CCDC93: variants seen among roughly 807,000 people sequenced by gnomAD.
CCDC93 encodes CCC complex scaffolding subunit CCDC93.
In CCDC93, 61 loss-of-function variants were observed where a neutral mutation model predicts 108.2. That is an observed-to-expected ratio of 0.56 (90% confidence interval 0.46 to 0.70). CCDC93 has a LOEUF of 0.70. CCDC93 is among the 30% of genes least tolerant of loss of function. The pLI is 0.00. For missense variants in CCDC93, 685 were observed against 764.2 expected (o/e 0.90, Z 1.22); for synonymous variants, 276 against 260.4 (o/e 1.06, Z -0.58).
At chr2:117,983,037 C>G (rs1207476470) in intron 7 of CCDC93, among the ~76,000 whole-genome samples, 4 of 152,136 alleles carry the variant, frequency 2.6e-5, no homozygotes, top group African/African-American at 9.7e-5. Context: ...GGTTTTTTCT[C>G]TTATCTATAT....
intron 4 of CCDC93, chr2:117,997,779 A>C (rs886657862): frequency 6.6e-6 from 1 of 152,212 alleles, no homozygotes; most frequent in Non-Finnish European, 1.5e-5. Context: ...AGTAAAACTA[A>C]GTGGTCCAGG....
Position 117,953,807 on chromosome 2 carries a change from T to C in CCDC93, c.1006-1372A>G, listed in dbSNP as rs116385463. Among the ~76,000 whole-genome samples, 1,437 of 151,744 alleles carry C rather than the reference T, an allele frequency of 9.5e-3. 19 individuals are homozygous for C. The highest frequency in any genetic ancestry group is 0.033 in the African/African-American group (1,383 of 41,374). ...TATGTGGAAGGCTGAGGTGGAAGGATTGCTTCATCCCAGGAGGCTGAGGCT... is the reference window on the plus strand; with the variant it reads ...TATGTGGAAGGCTGAGGTGGAAGGACTGCTTCATCCCAGGAGGCTGAGGCT... On this transcript the variant is annotated intron_variant, in intron 12 of 23. Transcript: ENST00000376300.
chr2:117,996,156 G>A, intron 5 of CCDC93, 108 bp downstream of exon 5: 1 of 637,282 alleles, frequency 1.6e-6, no homozygotes, highest in South Asian at 2.2e-5. Flanking sequence ...TGCCAAGTGG[G>A]GCTGAGAATG....
At chr2:117,938,360 A>C (rs1205678419) in intron 20 of CCDC93, among the ~76,000 whole-genome samples, 6 of 152,204 alleles carry the variant, frequency 3.9e-5, no homozygotes, top group African/African-American at 1.4e-4. Context: ...ACCGTTTGTC[A>C]TCAACTTGGG....
chr2:117,941,982 A>G (rs978186592), intron 18 of CCDC93, among the ~76,000 whole-genome samples: 2 of 152,112 alleles, frequency 1.3e-5, no homozygotes, highest in Non-Finnish European at 2.9e-5. Context: ...TTTGTCCACC[A>G]TATCCTCCCA....
At chr2:117,984,452 C>A (rs142945316) in intron 7 of CCDC93, among the ~76,000 whole-genome samples, 1 of 152,198 alleles carries the variant, frequency 6.6e-6, no homozygotes, top group East Asian at 1.9e-4. Context: ...CAGGGAGGTT[C>A]TGAACTTTCC....
chr2:117,978,660 A>G lies in CCDC93; in HGVS notation c.621-630T>C, dbSNP rs180859760. Among the ~76,000 whole-genome samples the G allele has an allele frequency of 8.3e-4, 127 of 152,300 alleles. 1 individual carries two copies. Among genetic ancestry groups the G allele is most frequent in the African/African-American group, 3.0e-3 (124 of 41,552 alleles). On this transcript the variant is annotated intron_variant, in intron 7 of 23. Coordinates refer to ENST00000376300, the MANE Select transcript of CCDC93 (RefSeq NM_019044.5). ...AAATGCAAACCACCCAGCCTCATACACCTTTAAGTGATTTGTAAGAAAATA... is the reference window on the plus strand; with the variant it reads ...AAATGCAAACCACCCAGCCTCATACGCCTTTAAGTGATTTGTAAGAAAATA...
At chr2:117,935,716 C>CG (rs948411342) in intron 21 of CCDC93, 137 bp from the exon 22 acceptor site, 9 of 503,970 alleles carry the variant, frequency 1.8e-5, no homozygotes, top group Non-Finnish European at 3.1e-5. Context: ...AGTGGAGCCA[C>CG]GGGGGCCCCT....
chr2:117,973,184 G>A (rs1679819740), intron 11 of CCDC93, among the ~76,000 whole-genome samples: 1 of 152,172 alleles, frequency 6.6e-6, no homozygotes, highest in Non-Finnish European at 1.5e-5. Flanking sequence ...AGTCAGGGCA[G>A]AGCTAATTTG....
In CCDC93 at chr2:117,986,000, G is replaced by A. The variant is rs757450696; in HGVS notation, c.589C>T (p.Arg197Ter). 3 of 1,613,076 alleles carry A rather than the reference G, an allele frequency of 1.9e-6. No homozygotes were observed. The highest frequency in any genetic ancestry group is 1.7e-5 in the Admixed American group (1 of 59,980). Residue 197 changes from arginine (R) to a stop codon, truncating the protein, a stop_gained, in exon 7 of 24, where the codon CGA (arginine) becomes TGA (stop). Transcript: ENST00000376300. LOFTEE classifies it high-confidence loss of function. ...GAEELLDEESRIHATLLEYGR... is the reference protein window; with the variant it reads ...GAEELLDEES ...TATTCCAAAAGTGTAGCATGGATTC[G>A]AGATTCTTCATCAAGTAGCTCCTCT...
intron 4 of CCDC93, chr2:117,999,100 C>G (rs573374764): frequency 6.6e-6 from 1 of 152,174 alleles, no homozygotes; most frequent in Non-Finnish European, 1.5e-5. Flanking sequence ...CTCATCCTAT[C>G]AGGTAGGTGC....
chr2:117,925,397 C>A lies in CCDC93; in HGVS notation c.1843-5001G>T, dbSNP rs561901028. Among the ~76,000 whole-genome samples the A allele has an allele frequency of 4.6e-5, 7 of 152,156 alleles. No homozygotes were observed. The East Asian group carries it at 5.8e-4, about 13-fold the overall frequency. Reference sequence around the variant, plus strand: ...AACCCATCTCATATGCAGAGACACACATAGGCTCAAAATAAAGGGATGGAG... The same window carrying A: ...AACCCATCTCATATGCAGAGACACAAATAGGCTCAAAATAAAGGGATGGAG... On this transcript the variant is annotated intron_variant, in intron 23 of 23. Coordinates refer to ENST00000376300, the MANE Select transcript of CCDC93 (RefSeq NM_019044.5).
chr2:117,936,778 CAA>C, intron 20 of CCDC93, 39 bp from the exon 21 acceptor site: 1 of 1,570,774 alleles, frequency 6.4e-7, no homozygotes, highest in Non-Finnish European at 8.8e-7. Flanking sequence ...ATAAGACAGG[CAA>C]AAAGATTTCC....
chr2:117,941,369 T>G, intron 18 of CCDC93, 72 bp from the exon 19 acceptor site: 1 of 1,226,638 alleles, frequency 8.2e-7, no homozygotes, highest in East Asian at 2.3e-5. Context: ...GGAGCCAAAA[T>G]ATTGCCTGCA....
chr2:117,952,402 A>G lies in CCDC93; in HGVS notation c.1039T>C (p.Tyr347His), dbSNP rs1251203733. 3 of 1,613,406 alleles carry G rather than the reference A, an allele frequency of 1.9e-6. No homozygotes were observed. Among genetic ancestry groups the G allele is most frequent in the African/African-American group, 1.3e-5 (1 of 74,918 alleles). The change falls in exon 13 of 24, where the codon TAT (tyrosine) becomes CAT (histidine). Residue 347 changes from tyrosine to histidine, a missense_variant. Tyr to His is a moderately conservative substitution (Grantham distance 83). Coordinates refer to ENST00000376300, the MANE Select transcript of CCDC93 (RefSeq NM_019044.5). ...RASHTSLQAR[Y>H]NEAKKTLTEL... ...GTCAGCGTTTTCTTGGCTTCATTAT[A>G]TCTGGCTTGTAGGCTGGTGTGACTT...
intron 23 of CCDC93, among the ~76,000 whole-genome samples, chr2:117,921,113 C>T (rs138829209): frequency 0.075 from 11,039 of 147,938 alleles, 502 homozygotes; most frequent in South Asian, 0.15. Flanking sequence ...GGAGGCGGAG[C>T]TTGCAGTGAG....
At position 118,000,908 on chromosome 2, in the gene CCDC93, C is replaced by T. The variant is rs778938121; in HGVS notation, c.276G>A (p.Ser92=). 25 of 1,613,244 alleles carry T rather than the reference C, an allele frequency of 1.5e-5. No individual in the cohort carries two copies. Among genetic ancestry groups the T allele is most frequent in the Non-Finnish European group, 2.0e-5 (23 of 1,179,406 alleles). The part of the protein sequence containing the change: ...QKIALSEKIV[S]VLPRMKCPHQ... Reference sequence around the variant, plus strand: ...GTGGGCATTTCATCCTTGGCAGGACCGAGACAATTTTTTCTGACAGAGCTC... The same window carrying T: ...GTGGGCATTTCATCCTTGGCAGGACTGAGACAATTTTTTCTGACAGAGCTC... The change falls in exon 4 of 24, where the codon TCG becomes TCA. Residue 92 remains serine, a synonymous_variant. Transcript: ENST00000376300.
At chr2:117,922,663 T>C (rs778344615) in intron 23 of CCDC93, among the ~76,000 whole-genome samples, 2 of 152,094 alleles carry the variant, frequency 1.3e-5, no homozygotes, top group African/African-American at 4.8e-5. Flanking sequence ...AGAATAATTA[T>C]TGCACACTAC....
rs1677667263 is a variant in CCDC93 at position 117,915,853 on chromosome 2, T to C, written c.*4490A>G. Reference sequence around the variant, plus strand: ...ACCATGGGCTTTTTTCCTCACTTAATCATGCATCTTGGGGCCCATTCTATG... The same window carrying C: ...ACCATGGGCTTTTTTCCTCACTTAACCATGCATCTTGGGGCCCATTCTATG... On this transcript the variant is annotated 3_prime_UTR_variant, in exon 24 of 24. Coordinates refer to ENST00000376300, the MANE Select transcript of CCDC93 (RefSeq NM_019044.5). The C allele has an allele frequency of 6.6e-6, 1 of 152,188 alleles. No individual in the cohort carries two copies. Among genetic ancestry groups the C allele is most frequent in the African/African-American group, 2.4e-5 (1 of 41,460 alleles). 9.4% of individuals were successfully genotyped at this position (152,188 alleles called of 1,614,324 possible). A position where few individuals can be genotyped will look rare whatever the true frequency, so the allele number is the denominator to read the frequency against.
Sources: allele counts gnomAD v4.1 joint callset (sites outside exome capture counted in the v4.1 genomes callset), GRCh38; gene constraint gnomAD v4.1.1; transcripts MANE v1.5; gene names NCBI Gene and HGNC (gene_info 2026-07-23, HGNC 2026-07-21).